Variants in SCAF8 observed in about 807,000 individuals in gnomAD.
SCAF8 encodes the protein SR-related CTD associated factor 8.
A neutral mutation model predicts 140.5 loss-of-function variants in SCAF8; 23 were observed. The observed-to-expected ratio is 0.16, with a 90% CI of 0.12 to 0.23. The LOEUF is 0.23. Among genes scored for constraint, SCAF8 ranks in the 10% least tolerant of loss-of-function variants. The pLI, the probability that SCAF8 is intolerant of heterozygous loss-of-function variation, is 1.00. For synonymous variants in SCAF8, 575 were observed against 528.9 expected, an observed-to-expected ratio of 1.09 and a Z score of -1.20; for missense variants, 1,397 against 1,555.7, an observed-to-expected ratio of 0.90 and a Z score of 1.72.
intron 1 of SCAF8, among the ~76,000 whole-genome samples, chr6:154,769,652 T>C (rs1158846065): frequency 6.6e-6 from 1 of 152,236 alleles, no homozygotes; most frequent in Non-Finnish European, 1.5e-5. Context: ...AACAGTATTA[T>C]TTCTGTTTTG....
chr6:154,795,573 G>A (rs1261293195), intron 6 of SCAF8, among the ~76,000 whole-genome samples: 2 of 152,184 alleles, frequency 1.3e-5, no homozygotes, highest in African/African-American at 2.4e-5. Context: ...GGAGTAGAGC[G>A]GATAGCCAAC....
chr6:154,827,409 G>A (rs1766590282), intron 18 of SCAF8, among the ~76,000 whole-genome samples, 169 bp downstream of exon 18: 1 of 152,046 alleles, frequency 6.6e-6, no homozygotes, highest in Admixed American at 6.6e-5. Context: ...ATTGAAATTT[G>A]CTTGGTTGTC....
chr6:154,757,384 A>T (rs931725473), intron 1 of SCAF8, among the ~76,000 whole-genome samples: 1 of 152,210 alleles, frequency 6.6e-6, no homozygotes, highest in Non-Finnish European at 1.5e-5. Flanking sequence ...TCTGAGGGAA[A>T]AATTAAGAGA....
At chr6:154,740,694 C>T (rs1444558269) in intron 1 of SCAF8, among the ~76,000 whole-genome samples, 1 of 149,378 alleles carries the variant, frequency 6.7e-6, no homozygotes. Flanking sequence ...ATCAAGGGCT[C>T]ACTGCAACCT....
intron 17 of SCAF8, among the ~76,000 whole-genome samples, chr6:154,826,240 G>A (rs1778564380): frequency 6.6e-6 from 1 of 151,920 alleles, no homozygotes; most frequent in Non-Finnish European, 1.5e-5. Flanking sequence ...TATTTCAGAA[G>A]ATATTTTTAA....
chr6:154,761,546 C>G (rs1326109865), intron 1 of SCAF8, among the ~76,000 whole-genome samples: 1 of 152,090 alleles, frequency 6.6e-6, no homozygotes, highest in African/African-American at 2.4e-5. Context: ...CAGACTGGTC[C>G]TTTTTTTAGT....
chr6:154,744,525 GGT>G (rs1194299016), intron 1 of SCAF8, among the ~76,000 whole-genome samples: 2 of 152,134 alleles, frequency 1.3e-5, no homozygotes, highest in Non-Finnish European at 2.9e-5. Flanking sequence ...TGGTTGGATA[GGT>G]GTCATCCCAT....
In SCAF8 at chr6:154,831,104, G is replaced by GACC; in HGVS notation, c.2328_2330dup (p.His776dup). The GACC allele has an allele frequency of 6.2e-7, 1 of 1,612,692 alleles. No individual in the cohort carries two copies. Among genetic ancestry groups the GACC allele is most frequent in the Non-Finnish European group, 8.5e-7 (1 of 1,178,942 alleles). ...TGAAGAAAAAGTACCTCATCTTATA[G>GACC]ACCACCAGATTTCTTCTGGTGAAAA... is the stretch of plus-strand genomic sequence containing the variant. On this transcript the variant is annotated inframe_insertion, in exon 19 of 20. Coordinates refer to ENST00000367178, the MANE Select transcript of SCAF8 (RefSeq NM_014892.5).
intron 1 of SCAF8, among the ~76,000 whole-genome samples, chr6:154,756,940 C>CTTGA (rs1403465368): frequency 6.6e-6 from 1 of 152,130 alleles, no homozygotes; most frequent in East Asian, 1.9e-4. Context: ...AGGTGGATCG[C>CTTGA]TTGAGCCTGG....
intron 2 of SCAF8, 100 bp from the exon 3 acceptor site, chr6:154,777,891 AGATAATTGTT>A: frequency 1.5e-6 from 1 of 676,664 alleles, no homozygotes; most frequent in East Asian, 2.8e-5. Flanking sequence ...TTCTTGGTTA[AGATAATTGTT>A]TTGATAGACC....
chr6:154,762,043 TTAA>T (rs1472568930), intron 1 of SCAF8, among the ~76,000 whole-genome samples: 1 of 152,242 alleles, frequency 6.6e-6, no homozygotes, highest in Non-Finnish European at 1.5e-5. Context: ...CTTTGAGTTA[TTAA>T]TAAAAAGTTT....
At chr6:154,773,769 A>G (rs1776842483) in intron 1 of SCAF8, among the ~76,000 whole-genome samples, 2 of 152,102 alleles carry the variant, frequency 1.3e-5, no homozygotes, top group South Asian at 4.1e-4. Context: ...CCTTGCTTAC[A>G]CTTGTTACTG....
Position 154,833,638 on chromosome 6 carries a change from A to AT in SCAF8, c.*245dup, listed in dbSNP as rs1387751282. 3.4e-4 allele frequency: 120 copies of AT among 357,352 alleles called. No individual in the cohort carries two copies. The East Asian group carries it at 4.1e-3, about 12-fold the overall frequency. The allele number at this position is 357,352 out of a possible 1,614,324, so 22.1% of individuals were successfully genotyped here. A position where few individuals can be genotyped will look rare whatever the true frequency, so the allele number is the denominator to read the frequency against. On this transcript the variant is annotated 3_prime_UTR_variant, in exon 20 of 20. Coordinates refer to ENST00000367178, the MANE Select transcript of SCAF8 (RefSeq NM_014892.5). ...GATAAAATACAAATGTTGGCCCCAGATTCTTTTAACGTCAAGGAAATGAAT... is the reference window on the plus strand; with the variant it reads ...GATAAAATACAAATGTTGGCCCCAGATTTCTTTTAACGTCAAGGAAATGAAT...
chr6:154,764,519 A>C (rs563364375), intron 1 of SCAF8, among the ~76,000 whole-genome samples: 2 of 152,340 alleles, frequency 1.3e-5, no homozygotes, highest in East Asian at 3.9e-4. Context: ...TAGGAAGTTC[A>C]GAGAGAGTAA....
At position 154,733,667 on chromosome 6, in the gene SCAF8, C is replaced by T. The variant is rs1285538101; in HGVS notation, c.-234C>T. ...GACCCGCCCCGGCAGCGCCTCTGTT[C>T]CCTAGAACGGCGCTCCCCCCGCCCT... is the stretch of plus-strand genomic sequence containing the variant. On this transcript the variant is annotated 5_prime_UTR_variant, in exon 1 of 20. Coordinates refer to ENST00000367178, the MANE Select transcript of SCAF8 (RefSeq NM_014892.5). The T allele has an allele frequency of 2.6e-6, 3 of 1,153,092 alleles. No individual in the cohort carries two copies. The highest frequency in any genetic ancestry group is 1.7e-5 in the African/African-American group (1 of 60,234). 71.4% of individuals were successfully genotyped at this position (1,153,092 alleles called of 1,614,324 possible).
chr6:154,758,529 G>T (rs1779021448), intron 1 of SCAF8, among the ~76,000 whole-genome samples: 1 of 152,164 alleles, frequency 6.6e-6, no homozygotes, highest in South Asian at 2.1e-4. Context: ...ATGAGCCCAG[G>T]ACGTAGTTCA....
chr6:154,811,549 A>T (rs552561708), intron 12 of SCAF8, among the ~76,000 whole-genome samples: 99 of 151,858 alleles, frequency 6.5e-4, no homozygotes, highest in African/African-American at 2.1e-3. Flanking sequence ...TCTTTTTTTT[A>T]AATTATACTT....
At chr6:154,768,756 T>C (rs1248623684) in intron 1 of SCAF8, among the ~76,000 whole-genome samples, 3 of 152,174 alleles carry the variant, frequency 2.0e-5, no homozygotes, top group Admixed American at 6.5e-5. Flanking sequence ...TTCTAATATT[T>C]ATTGGAAAAG....
At chr6:154,794,777 G>GGT (rs1777541985) in intron 5 of SCAF8, among the ~76,000 whole-genome samples, 4 of 54,626 alleles carry the variant, frequency 7.3e-5, no homozygotes, top group African/African-American at 2.2e-4. Flanking sequence ...GGGGGGTGTG[G>GGT]GGGGTGTGTG....
Sources: gnomAD v4.1 joint callset for allele counts (sites outside exome capture counted in the v4.1 genomes callset) on GRCh38, gnomAD v4.1.1 for gene constraint, MANE v1.5 for transcripts, NCBI Gene and HGNC (gene_info 2026-07-23, HGNC 2026-07-21) for gene names.